PPP2R3A: variants seen among roughly 807,000 people sequenced by gnomAD.
The protein encoded by PPP2R3A is protein phosphatase 2 regulatory subunit B''alpha, also known as serine/threonine-protein phosphatase 2A regulatory subunit B'' subunit alpha.
PPP2R3A carries 80 observed loss-of-function variants against 106.9 expected under a neutral mutation model. The ratio of observed to expected loss-of-function variants is 0.75; its 90% CI spans 0.62 to 0.90. The LOEUF (loss-of-function observed/expected upper bound fraction) is 0.90. PPP2R3A is among the 40% of genes least tolerant of loss of function. The pLI is 0.00. For missense variants in PPP2R3A, 1,386 were observed against 1,350.4 expected, an observed-to-expected ratio of 1.03 and a Z score of -0.41; for synonymous variants, 483 against 468.3, an observed-to-expected ratio of 1.03 and a Z score of -0.41.
chr3:136,008,512 T>C (rs1342668067), intron 2 of PPP2R3A, among the ~76,000 whole-genome samples: 3 of 152,210 alleles, frequency 2.0e-5, no homozygotes, highest in Non-Finnish European at 4.4e-5. Flanking sequence ...GCATTCTTTC[T>C]GATTAACATC....
At chr3:136,108,589 G>A (rs1039989193) in intron 13 of PPP2R3A, among the ~76,000 whole-genome samples, 1 of 151,992 alleles carries the variant, frequency 6.6e-6, no homozygotes, top group African/African-American at 2.4e-5. Context: ...GAATAGGAAA[G>A]GTCAGAAATC....
chr3:136,103,254 G>C lies in PPP2R3A; in HGVS notation c.3104-4G>C. On this transcript the variant is annotated splice_region_variant and splice_polypyrimidine_tract_variant and intron_variant, in intron 11 of 13. Coordinates refer to ENST00000264977, the MANE Select transcript of PPP2R3A (RefSeq NM_002718.5). ...ATTTACCAGATTTGTTTATTTTTAT[G>C]TAGGCAAAATAACTCTAAGAGATCT... 6.4e-7 allele frequency: 1 copy of C among 1,561,332 alleles called. No homozygotes were observed. Among genetic ancestry groups the C allele is most frequent in the Non-Finnish European group, 8.7e-7 (1 of 1,146,702 alleles).
chr3:135,968,163 C>G (rs1937144686), intron 1 of PPP2R3A, among the ~76,000 whole-genome samples: 1 of 152,104 alleles, frequency 6.6e-6, no homozygotes, highest in African/African-American at 2.4e-5. Context: ...CCTGTTTTGC[C>G]AACTGGACAC....
intron 1 of PPP2R3A, among the ~76,000 whole-genome samples, chr3:135,999,823 G>A (rs1408980219): frequency 2.0e-5 from 3 of 151,860 alleles, no homozygotes; most frequent in East Asian, 3.9e-4. Flanking sequence ...ACCCAGGCTG[G>A]AGTGCAGTGG....
chr3:136,141,468 T>C (rs951293205), intron 13 of PPP2R3A, among the ~76,000 whole-genome samples: 1 of 152,184 alleles, frequency 6.6e-6, no homozygotes, highest in African/African-American at 2.4e-5. Flanking sequence ...AAGGGAGTGA[T>C]ATAATCCCTA....
intron 13 of PPP2R3A, among the ~76,000 whole-genome samples, chr3:136,142,351 TG>T (rs1252897512): frequency 1.3e-5 from 2 of 152,114 alleles, no homozygotes; most frequent in African/African-American, 2.4e-5. Context: ...TCTCCAGACA[TG>T]CCCAAATGTC....
At chr3:136,060,623 TCCTGAGGGCTC>T (rs1279633326) in intron 5 of PPP2R3A, among the ~76,000 whole-genome samples, 4 of 152,142 alleles carry the variant, frequency 2.6e-5, no homozygotes, top group African/African-American at 9.7e-5. Context: ...ATTGTAAGTT[TCCTGAGGGCTC>T]CCCAGGCATG....
chr3:136,021,449 C>T (rs565486997), intron 2 of PPP2R3A, among the ~76,000 whole-genome samples: 3 of 152,096 alleles, frequency 2.0e-5, no homozygotes, highest in Admixed American at 2.0e-4. Context: ...CAGCTTTAGA[C>T]ATATAAGCCT....
chr3:136,004,262 G>A (rs1486233839), intron 2 of PPP2R3A, among the ~76,000 whole-genome samples: 3 of 152,176 alleles, frequency 2.0e-5, no homozygotes, highest in Non-Finnish European at 2.9e-5. Flanking sequence ...TACGTGTGTC[G>A]TAGCACAACA....
chr3:136,063,131 T>C (rs773843731), intron 5 of PPP2R3A, among the ~76,000 whole-genome samples: 2 of 152,092 alleles, frequency 1.3e-5, no homozygotes, highest in South Asian at 2.1e-4. Context: ...TCTACAACCA[T>C]CTGATCTTTG....
At chr3:136,007,841 C>A in intron 2 of PPP2R3A, among the ~76,000 whole-genome samples, 1 of 152,178 alleles carries the variant, frequency 6.6e-6, no homozygotes, top group Non-Finnish European at 1.5e-5. Flanking sequence ...AAGGATATTT[C>A]TGGCCGTTTA....
chr3:136,048,705 C>CTTGA (rs1465031406), intron 4 of PPP2R3A, among the ~76,000 whole-genome samples: 1 of 151,268 alleles, frequency 6.6e-6, no homozygotes, highest in Non-Finnish European at 1.5e-5. Context: ...CTTTAGCCTA[C>CTTGA]TTGACAGAAG....
chr3:136,092,905 G>A (rs148329002), intron 10 of PPP2R3A, among the ~76,000 whole-genome samples: 1 of 152,108 alleles, frequency 6.6e-6, no homozygotes, highest in Non-Finnish European at 1.5e-5. Flanking sequence ...AATTACTTTT[G>A]TACCAACCTT....
In PPP2R3A at chr3:136,034,083, C is replaced by T. The variant is rs866680467; in HGVS notation, c.2263-6776C>T. On this transcript the variant is annotated intron_variant, in intron 3 of 13. Transcript: ENST00000264977. ...ACAGAATCTCTCTCTGTTGCCAGGC[C>T]GGAGTGCAGTGGCGTGATCTTGGCT... Among the ~76,000 whole-genome samples, 6 of 150,090 alleles carry T rather than the reference C, an allele frequency of 4.0e-5. No individual in the cohort carries two copies. In the South Asian group the frequency reaches 8.4e-4, roughly 21 times the overall value.
At chr3:136,128,013 G>A (rs1289952943) in intron 13 of PPP2R3A, among the ~76,000 whole-genome samples, 1 of 152,104 alleles carries the variant, frequency 6.6e-6, no homozygotes, top group African/African-American at 2.4e-5. Flanking sequence ...CCTGAAGGAA[G>A]CACTAAACAT....
intron 4 of PPP2R3A, among the ~76,000 whole-genome samples, chr3:136,041,372 C>T (rs1935282399): frequency 6.6e-6 from 1 of 150,624 alleles, no homozygotes; most frequent in African/African-American, 2.5e-5. Context: ...ATAATCCTAC[C>T]TCAGCCTCCT....
intron 13 of PPP2R3A, among the ~76,000 whole-genome samples, chr3:136,125,730 T>A (rs1330742748): frequency 6.6e-6 from 1 of 152,040 alleles, no homozygotes; most frequent in Non-Finnish European, 1.5e-5. Flanking sequence ...AACATCAATA[T>A]AAAACTTCTT....
rs1937520146 is a variant in PPP2R3A at position 136,106,533 on chromosome 3, G to A, written c.3329+211G>A. On this transcript the variant is annotated intron_variant, in intron 13 of 13. Coordinates refer to ENST00000264977, the MANE Select transcript of PPP2R3A (RefSeq NM_002718.5). ...TTCTCATGTCCATTTCCTTTAATGA[G>A]TCTCATCTTTCACTGGAAACCGAGA... is the stretch of plus-strand genomic sequence containing the variant. The A allele has an allele frequency of 5.5e-6, 3 of 548,992 alleles. No homozygotes were observed. In the South Asian group the frequency reaches 6.3e-5, roughly 12 times the overall value. The allele number at this position is 548,992 out of a possible 1,614,324, so 34.0% of individuals were successfully genotyped here.
In PPP2R3A at chr3:136,090,679, A is replaced by G. The variant is rs1228198596; in HGVS notation, c.2927+12A>G. The G allele has an allele frequency of 2.5e-6, 4 of 1,604,344 alleles. No individual in the cohort carries two copies. The highest frequency in any genetic ancestry group is 2.6e-6 in the Non-Finnish European group (3 of 1,171,834). On this transcript the variant is annotated intron_variant, in intron 10 of 13. Coordinates refer to ENST00000264977, the MANE Select transcript of PPP2R3A (RefSeq NM_002718.5). ...AGGAATCCTACCAGGTATGATTTCT[A>G]AGTTTCCTTTGCCAAGATGTTAAAC...
Sources: allele counts gnomAD v4.1 joint callset (sites outside exome capture counted in the v4.1 genomes callset), GRCh38; gene constraint gnomAD v4.1.1; transcripts MANE v1.5; gene names NCBI Gene and HGNC (gene_info 2026-07-23, HGNC 2026-07-21).